Variants in ELP3 observed in about 807,000 individuals in gnomAD.
ELP3 encodes the protein elongator complex protein 3.
Under a neutral mutation model 74.9 loss-of-function variants are expected in ELP3, and 56 were observed. The ratio of observed to expected loss-of-function variants is 0.75; its 90% CI spans 0.60 to 0.93. The LOEUF is 0.93. Ranked by LOEUF, ELP3 falls within the 40% of genes least tolerant of loss-of-function variation. The pLI is 0.00. For synonymous variants in ELP3, 222 were observed against 239.8 expected, an observed-to-expected ratio of 0.93 and a Z score of 0.68; for missense variants, 573 against 686.5, an observed-to-expected ratio of 0.83 and a Z score of 1.85.
At chr8:28,160,017 A>C (rs1026216573) in intron 12 of ELP3, among the ~76,000 whole-genome samples, 1 of 152,246 alleles carries the variant, frequency 6.6e-6, no homozygotes, top group African/African-American at 2.4e-5. Flanking sequence ...GTGAAATTAT[A>C]CAGTTATTTT....
chr8:28,154,922 C>T (rs1813770624), intron 10 of ELP3, among the ~76,000 whole-genome samples: 1 of 152,186 alleles, frequency 6.6e-6, no homozygotes, highest in South Asian at 2.1e-4. Context: ...TGTATGGCAA[C>T]TCTCCTGGCT....
chr8:28,107,526 CG>C (rs1811746765), intron 4 of ELP3, among the ~76,000 whole-genome samples: 1 of 152,090 alleles, frequency 6.6e-6, no homozygotes, highest in African/African-American at 2.4e-5. Flanking sequence ...AAAGAATTAG[CG>C]GAAGAGTTTG....
chr8:28,160,923 G>A (rs1402009150), intron 13 of ELP3, among the ~76,000 whole-genome samples: 3 of 152,158 alleles, frequency 2.0e-5, no homozygotes, highest in African/African-American at 7.2e-5. Flanking sequence ...TCGAACTCCT[G>A]ACCTCAGATG....
chr8:28,118,690 A>G (rs932010586), intron 7 of ELP3, among the ~76,000 whole-genome samples: 9 of 152,308 alleles, frequency 5.9e-5, no homozygotes, highest in African/African-American at 1.9e-4. Context: ...AACTCCAACA[A>G]CCTTTTAAAA....
At chr8:28,135,940 TAAAAAA>T (rs1812969807) in intron 9 of ELP3, among the ~76,000 whole-genome samples, 1 of 151,952 alleles carries the variant, frequency 6.6e-6, no homozygotes, top group African/African-American at 2.4e-5. Context: ...TTATACTTTT[TAAAAAA>T]TTCTTTCCTG....
chr8:28,111,198 ACT>A (rs1287281100), intron 6 of ELP3, among the ~76,000 whole-genome samples: 1 of 152,180 alleles, frequency 6.6e-6, no homozygotes, highest in African/African-American at 2.4e-5. Context: ...TGGTTACATA[ACT>A]CTAAATATCT....
chr8:28,149,506 T>C (rs963252992), intron 10 of ELP3, among the ~76,000 whole-genome samples: 1 of 152,220 alleles, frequency 6.6e-6, no homozygotes, highest in Non-Finnish European at 1.5e-5. Flanking sequence ...TTAATGTTCG[T>C]GGGCTCCGTA....
chr8:28,157,216 A>G (rs940514356), intron 11 of ELP3, among the ~76,000 whole-genome samples: 1 of 148,586 alleles, frequency 6.7e-6, no homozygotes, highest in Non-Finnish European at 1.5e-5. Context: ...GCCAAAATAT[A>G]TCTAGTTCCT....
intron 14 of ELP3, among the ~76,000 whole-genome samples, chr8:28,173,463 T>C (rs1281969308): frequency 2.0e-5 from 3 of 151,972 alleles, no homozygotes; most frequent in Admixed American, 2.0e-4. Flanking sequence ...CTTTTATTTC[T>C]GTTTTTGTGA....
rs1814939385 is a variant in ELP3 at position 28,180,037 on chromosome 8, T to C, written c.1568-9612T>C. 2.6e-5 allele frequency among the ~76,000 whole-genome samples: 4 copies of C among 152,322 alleles called. No individual in the cohort carries two copies. In the South Asian group the frequency reaches 6.2e-4, roughly 24 times the overall value. On this transcript the variant is annotated intron_variant, in intron 14 of 14. Transcript: ENST00000256398. ...TTCCCTCAGGCTACTTCTGTGGTTT[T>C]TTAGAAAATATATTATTTTTATTCT...
chr8:28,137,565 C>T, intron 9 of ELP3, 133 bp from the exon 10 acceptor site: 2 of 770,888 alleles, frequency 2.6e-6, no homozygotes, highest in Non-Finnish European at 4.2e-6. Flanking sequence ...GTCTGTACGC[C>T]CTACCTGGTC....
At chr8:28,134,584 A>G (rs1446364437) in intron 9 of ELP3, among the ~76,000 whole-genome samples, 2 of 152,224 alleles carry the variant, frequency 1.3e-5, no homozygotes, top group African/African-American at 4.8e-5. Context: ...CTCAGTAGGA[A>G]AATGGGCAAA....
At chr8:28,128,154 T>G (rs1397206471) in intron 7 of ELP3, among the ~76,000 whole-genome samples, 3 of 152,070 alleles carry the variant, frequency 2.0e-5, no homozygotes, top group African/African-American at 7.2e-5. Flanking sequence ...AAGGGTGCAC[T>G]AAGAAGAATG....
intron 10 of ELP3, among the ~76,000 whole-genome samples, chr8:28,155,584 G>C (rs988254656): frequency 6.6e-6 from 1 of 152,166 alleles, no homozygotes; most frequent in African/African-American, 2.4e-5. Flanking sequence ...TTTTGTAAAG[G>C]AAAAAATTTA....
chr8:28,128,754 G>A (rs1215857974), intron 7 of ELP3, among the ~76,000 whole-genome samples: 12 of 152,110 alleles, frequency 7.9e-5, no homozygotes, highest in African/African-American at 2.4e-4. Context: ...ACAGAGCTTG[G>A]CCCACAACAG....
chr8:28,167,960 G>A (rs139735730), intron 14 of ELP3, among the ~76,000 whole-genome samples: 1 of 152,186 alleles, frequency 6.6e-6, no homozygotes, highest in Non-Finnish European at 1.5e-5. Flanking sequence ...TGGAATTGAT[G>A]ATATGGAATA....
intron 14 of ELP3, among the ~76,000 whole-genome samples, chr8:28,171,788 T>C (rs1033026162): frequency 1.3e-5 from 2 of 152,198 alleles, no homozygotes; most frequent in Admixed American, 6.5e-5. Context: ...TATAAAGTTA[T>C]AGCTCTCAAA....
At chr8:28,176,087 G>A (rs1814740966) in intron 14 of ELP3, among the ~76,000 whole-genome samples, 1 of 152,060 alleles carries the variant, frequency 6.6e-6, no homozygotes, top group Non-Finnish European at 1.5e-5. Flanking sequence ...AAAGTGCTAG[G>A]ATTACAGGCA....
intron 10 of ELP3, among the ~76,000 whole-genome samples, chr8:28,142,407 A>G (rs1484206613): frequency 1.3e-5 from 2 of 152,204 alleles, no homozygotes; most frequent in Non-Finnish European, 2.9e-5. Flanking sequence ...TTCTCTATCA[A>G]TACATCACTT....
Sources: gnomAD v4.1 joint callset for allele counts (sites outside exome capture counted in the v4.1 genomes callset) on GRCh38, gnomAD v4.1.1 for gene constraint, MANE v1.5 for transcripts, NCBI Gene and HGNC (gene_info 2026-07-23, HGNC 2026-07-21) for gene names.